Variants in QRICH1 observed in about 807,000 individuals in gnomAD.
QRICH1 encodes the protein transcriptional regulator QRICH1.
Under a neutral mutation model 87.1 loss-of-function variants are expected in QRICH1, and 16 were observed. The ratio of observed to expected loss-of-function variants is 0.18; its 90% confidence interval spans 0.12 to 0.28. The LOEUF (loss-of-function observed/expected upper bound fraction) is 0.28. QRICH1 is among the 10% of genes least tolerant of loss of function. The pLI is 1.00. For missense variants in QRICH1, 647 were observed against 951.7 expected, an observed-to-expected ratio of 0.68 and a Z score of 4.21; for synonymous variants, 367 against 368.4, an observed-to-expected ratio of 1.00 and a Z score of 0.05.
At chr3:49,030,723 T>C (rs1559920519) in intron 9 of QRICH1, 79 bp from the exon 10 acceptor site, 2 of 1,290,628 alleles carry the variant, frequency 1.5e-6, no homozygotes, top group Admixed American at 2.9e-5. Flanking sequence ...AGACAGATGC[T>C]GTCTGCAAAC....
intron 6 of QRICH1, among the ~76,000 whole-genome samples, chr3:49,038,932 CAGA>C (rs1420111538): frequency 6.6e-6 from 1 of 152,096 alleles, no homozygotes; most frequent in African/African-American, 2.4e-5. Context: ...GAGGCTGAGG[CAGA>C]AGAACTGCTT....
chr3:49,064,395 C>T (rs1188964108), intron 2 of QRICH1, among the ~76,000 whole-genome samples: 1 of 151,966 alleles, frequency 6.6e-6, no homozygotes, highest in Admixed American at 6.6e-5. Flanking sequence ...GTGCCCACCA[C>T]CATGCCTGGC....
At chr3:49,091,477 T>A (rs1451089600) in intron 1 of QRICH1, among the ~76,000 whole-genome samples, 2 of 151,932 alleles carry the variant, frequency 1.3e-5, no homozygotes, top group Non-Finnish European at 2.9e-5. Context: ...GGCAGCCACA[T>A]CCAGAGCCCC....
At chr3:49,061,883 C>T (rs749483324) in intron 2 of QRICH1, among the ~76,000 whole-genome samples, 21 of 152,066 alleles carry the variant, frequency 1.4e-4, no homozygotes, top group Non-Finnish European at 2.6e-4. Flanking sequence ...TGGCCAAGAA[C>T]CACATAAAAA....
At chr3:49,038,499 G>T (rs1184173626) in intron 6 of QRICH1, among the ~76,000 whole-genome samples, 1 of 149,036 alleles carries the variant, frequency 6.7e-6, no homozygotes, top group Non-Finnish European at 1.5e-5. Flanking sequence ...TGCAAACCCC[G>T]CCTCTCCTGG....
At chr3:49,054,087 C>T (rs1176805060) in intron 3 of QRICH1, among the ~76,000 whole-genome samples, 1 of 152,150 alleles carries the variant, frequency 6.6e-6, no homozygotes, top group Non-Finnish European at 1.5e-5. Flanking sequence ...ATAATAACTT[C>T]ATGTAAATCA....
At chr3:49,039,038 T>A (rs2093293709) in intron 6 of QRICH1, among the ~76,000 whole-genome samples, 2 of 151,134 alleles carry the variant, frequency 1.3e-5, no homozygotes, top group African/African-American at 4.9e-5. Context: ...AAAAAATAAA[T>A]AAATAAATAA....
At chr3:49,046,278 AC>A (rs1412273350) in intron 5 of QRICH1, 146 bp downstream of exon 5, 124 of 876,288 alleles carry the variant, frequency 1.4e-4, no homozygotes, top group South Asian at 4.5e-4. Flanking sequence ...AAAAAAAAAA[AC>A]AACAAATGTG....
chr3:49,080,439 C>G (rs1371678182), intron 1 of QRICH1, among the ~76,000 whole-genome samples: 2 of 151,952 alleles, frequency 1.3e-5, no homozygotes, highest in Non-Finnish European at 2.9e-5. Flanking sequence ...CAAAGAAACA[C>G]TGCTTCCCAA....
chr3:49,077,506 C>G (rs1241550887), intron 1 of QRICH1, among the ~76,000 whole-genome samples: 1 of 152,152 alleles, frequency 6.6e-6, no homozygotes, highest in Non-Finnish European at 1.5e-5. Flanking sequence ...CTAGTTGTGG[C>G]AAGACACAAG....
rs1366560480 is a variant in QRICH1, at chr3:49,030,167, C to T, written c.*285G>A. 2.0e-6 allele frequency: 1 copy of T among 504,084 alleles called. No homozygotes were observed. The allele number at this position is 504,084 out of a possible 1,614,324, so 31.2% of individuals were successfully genotyped here. ...CCACATTTCTTTTCACAGTCCAAGCCCTTTCCCCAGGCCCCAGACAAAAAA... is the reference window on the plus strand; with the variant it reads ...CCACATTTCTTTTCACAGTCCAAGCTCTTTCCCCAGGCCCCAGACAAAAAA... On this transcript the variant is annotated 3_prime_UTR_variant, in exon 10 of 10. Coordinates refer to ENST00000395443, the MANE Select transcript of QRICH1 (RefSeq NM_198880.3).
Position 49,057,110 on chromosome 3 carries a change from T to C in QRICH1, c.1090A>G (p.Thr364Ala). 6.2e-7 allele frequency: 1 copy of C among 1,614,242 alleles called. No homozygotes were observed. The highest frequency in any genetic ancestry group is 8.5e-7 in the Non-Finnish European group (1 of 1,180,044). Reference protein sequence around the residue: ...LEDDKEKMVGTTSVVKNSHEE... With the variant: ...LEDDKEKMVGATSVVKNSHEE... ...TGGGAGTTTTTCACTACAGATGTGG[T>C]GCCCACCATCTTCTCCTTGTCATCC... The change falls in exon 3 of 10, where the codon ACC (threonine) becomes GCC (alanine). Residue 364 changes from threonine to alanine, a missense_variant. Thr to Ala is a moderately conservative substitution (Grantham distance 58). Transcript: ENST00000395443. This position sits in a 1 kb window ranked among gnomAD's most constrained non-coding sequence, Gnocchi z 5.4.
At chr3:49,073,164 C>T (rs1009109478) in intron 2 of QRICH1, among the ~76,000 whole-genome samples, 2 of 152,090 alleles carry the variant, frequency 1.3e-5, no homozygotes, top group African/African-American at 4.8e-5. Flanking sequence ...AAAAGACTTC[C>T]AGAATACAAT....
intron 6 of QRICH1, among the ~76,000 whole-genome samples, chr3:49,035,710 C>G (rs1047431616): frequency 1.3e-5 from 2 of 151,668 alleles, no homozygotes; most frequent in Non-Finnish European, 2.9e-5. Flanking sequence ...CCAGCCCGAG[C>G]CCAACAGGGT....
chr3:49,053,961 C>A (rs2106892042), intron 3 of QRICH1, among the ~76,000 whole-genome samples: 1 of 152,244 alleles, frequency 6.6e-6, no homozygotes, highest in South Asian at 2.1e-4. Context: ...AGCACAGAGC[C>A]TGCATAAGAG....
At chr3:49,092,330 T>C (rs1305591345) in intron 1 of QRICH1, 1 of 152,038 alleles carries the variant, frequency 6.6e-6, no homozygotes, top group Non-Finnish European at 1.5e-5. Flanking sequence ...GGATTTGTAA[T>C]GCTTCAGTAT....
chr3:49,093,254 C>A (rs900646141), intron 1 of QRICH1: 2 of 152,172 alleles, frequency 1.3e-5, no homozygotes, highest in African/African-American at 2.4e-5. Context: ...CCGCACCGTA[C>A]TTGGGCCTCA....
intron 1 of QRICH1, among the ~76,000 whole-genome samples, chr3:49,084,252 C>CT (rs982223507): frequency 1.3e-5 from 2 of 151,552 alleles, no homozygotes; most frequent in Admixed American, 6.6e-5. Context: ...AGCCTAAATT[C>CT]TTTTTTATTT....
intron 1 of QRICH1, among the ~76,000 whole-genome samples, chr3:49,087,707 C>G (rs1260224856): frequency 6.8e-6 from 1 of 146,930 alleles, no homozygotes; most frequent in Non-Finnish European, 1.5e-5. Context: ...AACCCCATCT[C>G]TACTAAAAAT....
Sources: allele counts gnomAD v4.1 joint callset (sites outside exome capture counted in the v4.1 genomes callset), GRCh38; gene constraint gnomAD v4.1.1; non-coding constraint Gnocchi (gnomAD v3.1); transcripts MANE v1.5; gene names NCBI Gene and HGNC (gene_info 2026-07-23, HGNC 2026-07-21).